The following ELF1 variants were observed in gnomAD, a reference collection of about 807,000 sequenced individuals.
The protein encoded by ELF1 is E74 like ETS transcription factor 1, also known as ETS-related transcription factor Elf-1.
A neutral mutation model predicts 59.9 loss-of-function variants in ELF1; 24 were observed. The ratio of observed to expected loss-of-function variants is 0.40; its 90% CI spans 0.29 to 0.56. The LOEUF (loss-of-function observed/expected upper bound fraction) is 0.56, where lower values mean the gene tolerates loss of function less well. Ranked by LOEUF, ELF1 falls within the 20% of genes least tolerant of loss-of-function variation. ELF1 has a pLI of 0.44. For missense variants in ELF1, 627 were observed against 742.2 expected (o/e 0.84, Z 1.80); for synonymous variants, 248 against 266.2 (o/e 0.93, Z 0.67).
chr13:41,060,194 C>T (rs1399979223), intron 1 of ELF1, among the ~76,000 whole-genome samples: 2 of 152,144 alleles, frequency 1.3e-5, no homozygotes, highest in South Asian at 2.1e-4. Context: ...GAAAGCGCGT[C>T]CCCCCGGGAG....
chr13:40,945,142 C>T (rs1870427629), intron 5 of ELF1, among the ~76,000 whole-genome samples: 1 of 152,142 alleles, frequency 6.6e-6, no homozygotes, highest in Admixed American at 6.5e-5. Context: ...CTTCAGTAAC[C>T]TCCACCTTAT....
intron 1 of ELF1, among the ~76,000 whole-genome samples, chr13:41,039,336 T>TAAAA (rs747996967): frequency 1.9e-5 from 2 of 102,896 alleles, no homozygotes; most frequent in African/African-American, 6.4e-5. Context: ...GTCCTTTTTT[T>TAAAA]AAAAAAAAAA....
intron 1 of ELF1, among the ~76,000 whole-genome samples, chr13:41,032,519 T>A (rs947856983): frequency 6.6e-6 from 1 of 152,044 alleles, no homozygotes; most frequent in Non-Finnish European, 1.5e-5. Flanking sequence ...CGCCCAGCGA[T>A]ATTTATTAAT....
rs573779151 is a variant in ELF1 at position 40,987,092 on chromosome 13, C to T, written c.-228-4810G>A. Among the ~76,000 whole-genome samples, 880 of 150,432 alleles carry T rather than the reference C, an allele frequency of 5.8e-3. 9 individuals are homozygous for T. The highest frequency in any genetic ancestry group is 0.016 in the South Asian group (76 of 4,766). ...CTGGGACTACAGGCGCCCGCCACCA[C>T]GCCCGGCTAATTTTTTGTATTTTTT... On this transcript the variant is annotated intron_variant, in intron 1 of 8. Coordinates refer to ENST00000239882, the MANE Select transcript of ELF1 (RefSeq NM_172373.4).
intron 1 of ELF1, among the ~76,000 whole-genome samples, chr13:41,042,371 C>G (rs1024742415): frequency 1.1e-4 from 16 of 151,838 alleles, no homozygotes. Flanking sequence ...AGGTTTGTCA[C>G]ATATGTATAC....
intron 2 of ELF1, among the ~76,000 whole-genome samples, chr13:40,960,940 G>A (rs1382297744): frequency 2.0e-5 from 3 of 152,098 alleles, no homozygotes; most frequent in Non-Finnish European, 4.4e-5. Context: ...TGGCGATCTT[G>A]ACTCACTGCA....
exon 1 of ELF1, chr13:41,061,085 C>T (rs1427155109): frequency 7.1e-5 from 14 of 196,480 alleles, no homozygotes; most frequent in Non-Finnish European, 1.4e-4. Context: ...AGCGCCGGTC[C>T]CGCAGTTTCA....
intron 1 of ELF1, among the ~76,000 whole-genome samples, chr13:41,053,867 T>A (rs77719566): frequency 6.6e-6 from 1 of 152,182 alleles, no homozygotes; most frequent in Non-Finnish European, 1.5e-5. Flanking sequence ...ACCAAACTCA[T>A]TTGTATAAAT....
intron 1 of ELF1, among the ~76,000 whole-genome samples, chr13:41,025,155 T>A (rs986787042): frequency 1.3e-5 from 2 of 152,070 alleles, no homozygotes; most frequent in African/African-American, 4.8e-5. Context: ...TCTTCCTGAC[T>A]CTCCCTCACT....
Position 40,973,651 on chromosome 13 carries a change from T to C in ELF1, c.72+8332A>G, listed in dbSNP as rs533191956. Among the ~76,000 whole-genome samples, 5 of 152,208 alleles carry C rather than the reference T, an allele frequency of 3.3e-5. No individual in the cohort carries two copies. In the East Asian group the frequency reaches 9.6e-4, roughly 29 times the overall value. ...CAGAGGTGCTAATTTCCTTTTTTTTTTTTTACCCAGGAAGGCTATTCTAGG... is the reference window on the plus strand; with the variant it reads ...CAGAGGTGCTAATTTCCTTTTTTTTCTTTTACCCAGGAAGGCTATTCTAGG... On this transcript the variant is annotated intron_variant, in intron 2 of 8. Transcript: ENST00000239882.
chr13:40,974,232 A>G (rs1249305629), intron 2 of ELF1, among the ~76,000 whole-genome samples: 2 of 152,190 alleles, frequency 1.3e-5, no homozygotes, highest in African/African-American at 4.8e-5. Context: ...TATGCCAGGC[A>G]TAAGAACCAT....
intron 8 of ELF1, among the ~76,000 whole-genome samples, chr13:40,938,338 A>C (rs994098923): frequency 2.6e-5 from 4 of 152,210 alleles, no homozygotes; most frequent in Non-Finnish European, 5.9e-5. Flanking sequence ...ACTGTACACC[A>C]ATTAAGAAAA....
chr13:40,968,354 A>G (rs1489049336), intron 2 of ELF1, among the ~76,000 whole-genome samples: 1 of 152,222 alleles, frequency 6.6e-6, no homozygotes, highest in Non-Finnish European at 1.5e-5. Context: ...ACAAAGTGAA[A>G]AGTTGAAATC....
upstream of ELF1, among the ~76,000 whole-genome samples, chr13:41,020,615 T>C (rs1167479405): frequency 1.3e-5 from 2 of 152,234 alleles, no homozygotes; most frequent in Non-Finnish European, 2.9e-5. Context: ...ATAATCTCCA[T>C]GGTTTTACAA....
At chr13:40,957,088 T>G (rs4435112) in intron 3 of ELF1, among the ~76,000 whole-genome samples, 1 of 86,560 alleles carries the variant, frequency 1.2e-5, no homozygotes, top group Non-Finnish European at 3.2e-5. Flanking sequence ...CCCTGAAACC[T>G]TGCACATATC....
At chr13:41,015,214 T>G (rs1875286794) in intron 1 of ELF1, among the ~76,000 whole-genome samples, 1 of 151,570 alleles carries the variant, frequency 6.6e-6, no homozygotes, top group Non-Finnish European at 1.5e-5. Context: ...AAATAAAAAA[T>G]AGGTTAATTA....
chr13:41,028,605 T>C (rs1878486278), intron 1 of ELF1, among the ~76,000 whole-genome samples: 1 of 152,258 alleles, frequency 6.6e-6, no homozygotes, highest in Non-Finnish European at 1.5e-5. Context: ...CCCTATTTTG[T>C]TCAGAATACA....
chr13:41,026,433 G>C (rs775939851), intron 1 of ELF1, among the ~76,000 whole-genome samples: 21 of 152,136 alleles, frequency 1.4e-4, no homozygotes, highest in Non-Finnish European at 2.5e-4. Flanking sequence ...AGAATAGAAG[G>C]CTCTGTAACA....
At chr13:41,043,896 C>T (rs1028653644) in intron 1 of ELF1, among the ~76,000 whole-genome samples, 4 of 152,106 alleles carry the variant, frequency 2.6e-5, no homozygotes, top group Non-Finnish European at 5.9e-5. Context: ...GGCAGTATGG[C>T]CATTTTTGCA....
Sources: allele counts gnomAD v4.1 joint callset (sites outside exome capture counted in the v4.1 genomes callset), GRCh38; gene constraint gnomAD v4.1.1; transcripts MANE v1.5; gene names NCBI Gene and HGNC (gene_info 2026-07-23, HGNC 2026-07-21).